Variants in LMBRD1 observed in about 807,000 individuals in gnomAD.
LMBRD1 encodes LMBR1 domain containing 1.
Under a neutral mutation model 74.8 loss-of-function variants are expected in LMBRD1, and 64 were observed. The ratio of observed to expected loss-of-function variants is 0.86; its 90% confidence interval spans 0.70 to 1.05. LMBRD1 has a LOEUF of 1.05. LMBRD1 is among the 50% of genes least tolerant of loss of function. The probability of loss-of-function intolerance (pLI) is 0.00; values close to 1 mark genes in which losing one functional copy is unlikely to be tolerated. For synonymous variants in LMBRD1, 204 were observed against 216.3 expected, an observed-to-expected ratio of 0.94 and a Z score of 0.50; for missense variants, 652 against 645.9, an observed-to-expected ratio of 1.01 and a Z score of -0.10.
intron 7 of LMBRD1, among the ~76,000 whole-genome samples, chr6:69,735,983 CT>C (rs1293323741): frequency 1.3e-5 from 2 of 152,090 alleles, no homozygotes; most frequent in Non-Finnish European, 2.9e-5. Context: ...CACACTTACT[CT>C]TCTGTCATGG....
At chr6:69,719,375 T>C (rs1766565981) in intron 7 of LMBRD1, among the ~76,000 whole-genome samples, 1 of 152,138 alleles carries the variant, frequency 6.6e-6, no homozygotes, top group African/African-American at 2.4e-5. Context: ...TTCAGACTAA[T>C]CGAAGGTTAA....
intron 9 of LMBRD1, among the ~76,000 whole-genome samples, chr6:69,712,808 C>G (rs1220531201): frequency 6.6e-6 from 1 of 152,020 alleles, no homozygotes; most frequent in African/African-American, 2.4e-5. Flanking sequence ...AGAGGGCCTA[C>G]AGTCAACAAT....
intron 14 of LMBRD1, among the ~76,000 whole-genome samples, chr6:69,686,564 T>C (rs1210325703): frequency 6.6e-6 from 1 of 152,144 alleles, no homozygotes; most frequent in African/African-American, 2.4e-5. Flanking sequence ...ATTAAACAAA[T>C]ACTTTCTAAT....
Position 69,780,558 on chromosome 6 carries a change from G to A in LMBRD1, c.247-4C>T, listed in dbSNP as rs1321930777. Reference sequence around the variant, plus strand: ...TGACATTAGCATTAGCCCAGTCCTAGGATAAAAGGAAACAATAGAAATATT... The same window carrying A: ...TGACATTAGCATTAGCCCAGTCCTAAGATAAAAGGAAACAATAGAAATATT... On this transcript the variant is annotated splice_region_variant and splice_polypyrimidine_tract_variant and intron_variant, in intron 2 of 15. Transcript: ENST00000649934. The A allele has an allele frequency of 6.2e-6, 10 of 1,600,828 alleles. No individual in the cohort carries two copies. Among genetic ancestry groups the A allele is most frequent in the Non-Finnish European group, 8.6e-6 (10 of 1,168,896 alleles).
At chr6:69,696,839 T>C (rs917079539) in intron 14 of LMBRD1, among the ~76,000 whole-genome samples, 5 of 152,152 alleles carry the variant, frequency 3.3e-5, no homozygotes, top group African/African-American at 4.8e-5. Context: ...TATTCATGAA[T>C]GATTCACGCA....
intron 9 of LMBRD1, among the ~76,000 whole-genome samples, chr6:69,711,188 A>G (rs1766375233): frequency 2.0e-5 from 3 of 152,162 alleles, no homozygotes; most frequent in Admixed American, 1.3e-4. Context: ...AATCTCAAAA[A>G]CTGTGCCATG....
intron 7 of LMBRD1, among the ~76,000 whole-genome samples, chr6:69,727,433 G>C (rs1409861967): frequency 6.6e-6 from 1 of 152,118 alleles, no homozygotes; most frequent in East Asian, 1.9e-4. Context: ...TTTCAGATTA[G>C]GGAGGGATAC....
intron 6 of LMBRD1, among the ~76,000 whole-genome samples, chr6:69,739,980 C>G (rs1354065147): frequency 6.6e-6 from 1 of 152,036 alleles, no homozygotes; most frequent in Non-Finnish European, 1.5e-5. Flanking sequence ...GTGGCGGGTG[C>G]CTGTAGTCCC....
At chr6:69,704,910 T>TTTG (rs1490070545) in intron 9 of LMBRD1, among the ~76,000 whole-genome samples, 3 of 151,416 alleles carry the variant, frequency 2.0e-5, no homozygotes, top group Admixed American at 6.6e-5. Flanking sequence ...GACATTTGTT[T>TTTG]TTTTTTTTTC....
chr6:69,796,970 C>A lies in LMBRD1; in HGVS notation c.-89G>T. On this transcript the variant is annotated 5_prime_UTR_variant, in exon 1 of 16. Transcript: ENST00000649934. Reference sequence around the variant, plus strand: ...GAGAGCGCGAGATATACTGCACCCGCGCACCCTAAAGGTTAAAGGGGCGGA... The same window carrying A: ...GAGAGCGCGAGATATACTGCACCCGAGCACCCTAAAGGTTAAAGGGGCGGA... 1 of 1,154,130 alleles carries A rather than the reference C, an allele frequency of 8.7e-7. No individual in the cohort carries two copies. The highest frequency in any genetic ancestry group is 1.3e-6 in the Non-Finnish European group (1 of 785,848). 71.5% of individuals were successfully genotyped at this position (1,154,130 alleles called of 1,614,324 possible). A position where few individuals can be genotyped will look rare whatever the true frequency, so the allele number is the denominator to read the frequency against.
rs1022754159 is a variant in LMBRD1, at chr6:69,681,498, A to G, written c.1418-4957T>C. Among the ~76,000 whole-genome samples, 79 of 152,022 alleles carry G rather than the reference A, an allele frequency of 5.2e-4. 2 individuals carry two copies. The highest frequency in any genetic ancestry group is 5.1e-3 in the Admixed American group (78 of 15,250). On this transcript the variant is annotated intron_variant, in intron 14 of 15. Transcript: ENST00000649934. Reference sequence around the variant, plus strand: ...ATAAATAATACCTTTTATTTTAAATACATATTTTAAAAACATTTAATGTTT... The same window carrying G: ...ATAAATAATACCTTTTATTTTAAATGCATATTTTAAAAACATTTAATGTTT...
chr6:69,741,755 AACT>A (rs745470392), intron 6 of LMBRD1, 31 bp downstream of exon 6: 60 of 1,242,074 alleles, frequency 4.8e-5, no homozygotes, highest in Non-Finnish European at 7.0e-5. Context: ...AGGAAATATA[AACT>A]ACTATGTTTT....
intron 3 of LMBRD1, among the ~76,000 whole-genome samples, chr6:69,771,269 T>C (rs1365532774): frequency 2.0e-5 from 3 of 152,204 alleles, no homozygotes; most frequent in Non-Finnish European, 4.4e-5. Context: ...GTTCACTCAC[T>C]GCGTTTTTGG....
intron 3 of LMBRD1, among the ~76,000 whole-genome samples, chr6:69,766,587 G>A (rs1765478916): frequency 6.6e-6 from 1 of 151,706 alleles, no homozygotes; most frequent in Admixed American, 6.6e-5. Flanking sequence ...CATTCATGAG[G>A]GATATTAGTC....
intron 3 of LMBRD1, among the ~76,000 whole-genome samples, chr6:69,767,315 T>C (rs1343266628): frequency 2.0e-5 from 3 of 151,694 alleles, no homozygotes; most frequent in Non-Finnish European, 4.4e-5. Context: ...AGAATTCTTT[T>C]TTAAAAGAGG....
intron 12 of LMBRD1, among the ~76,000 whole-genome samples, chr6:69,699,440 C>T (rs1055149513): frequency 6.6e-6 from 1 of 151,698 alleles, no homozygotes; most frequent in Non-Finnish European, 1.5e-5. Flanking sequence ...TAACTGTGAA[C>T]TACCTCTAGT....
chr6:69,732,165 G>A (rs1374471775), intron 7 of LMBRD1, among the ~76,000 whole-genome samples: 1 of 152,094 alleles, frequency 6.6e-6, no homozygotes, highest in Non-Finnish European at 1.5e-5. Context: ...TGATTCATAA[G>A]GTGTTGTAAC....
chr6:69,789,268 A>C (rs1426230568), intron 2 of LMBRD1, among the ~76,000 whole-genome samples: 3 of 152,234 alleles, frequency 2.0e-5, no homozygotes, highest in Non-Finnish European at 2.9e-5. Flanking sequence ...TCATGCCTGC[A>C]ATCCCAGCAC....
intron 8 of LMBRD1, among the ~76,000 whole-genome samples, chr6:69,717,568 A>C (rs148556589): frequency 0.021 from 3,187 of 152,338 alleles, 38 homozygotes; most frequent in Non-Finnish European, 0.031. Flanking sequence ...TTCACATTTA[A>C]TCTCAATATA....
Sources: allele counts gnomAD v4.1 joint callset (sites outside exome capture counted in the v4.1 genomes callset), GRCh38; gene constraint gnomAD v4.1.1; transcripts MANE v1.5; gene names NCBI Gene and HGNC (gene_info 2026-07-23, HGNC 2026-07-21).